The following CDK14 variants were observed in gnomAD, a reference collection of about 807,000 sequenced individuals.
The protein encoded by CDK14 is cyclin-dependent kinase 14.
Under a neutral mutation model 60.7 loss-of-function variants are expected in CDK14, and 34 were observed. The ratio of observed to expected loss-of-function variants is 0.56; its 90% CI spans 0.43 to 0.75. The LOEUF (loss-of-function observed/expected upper bound fraction) is 0.75, where lower values mean the gene tolerates loss of function less well. Among genes scored for constraint, CDK14 ranks in the 30% least tolerant of loss-of-function variants. The probability of loss-of-function intolerance (pLI) is 0.00; values close to 1 mark genes in which losing one functional copy is unlikely to be tolerated. For synonymous variants in CDK14, 197 were observed against 203.7 expected (o/e 0.97, Z 0.28); for missense variants, 482 against 564.1 (o/e 0.85, Z 1.47).
intron 2 of CDK14, among the ~76,000 whole-genome samples, chr7:90,610,959 A>T (rs1227142311): frequency 2.0e-5 from 3 of 151,466 alleles, no homozygotes; most frequent in Non-Finnish European, 4.4e-5. Context: ...TTAGGTGTCC[A>T]CTCCCTGTCA....
chr7:90,624,393 A>G (rs775925311), intron 2 of CDK14, among the ~76,000 whole-genome samples: 2 of 152,222 alleles, frequency 1.3e-5, no homozygotes, highest in Admixed American at 1.3e-4. Context: ...CTAATTTTCT[A>G]TTCAGACAAA....
chr7:91,089,625 C>G (rs762199134), intron 12 of CDK14, among the ~76,000 whole-genome samples: 3 of 150,898 alleles, frequency 2.0e-5, no homozygotes, highest in Non-Finnish European at 4.4e-5. Flanking sequence ...AGATACGCAG[C>G]TATATATATA....
chr7:91,034,199 G>A (rs577358733), intron 10 of CDK14, among the ~76,000 whole-genome samples: 1 of 152,100 alleles, frequency 6.6e-6, no homozygotes, highest in Non-Finnish European at 1.5e-5. Flanking sequence ...AAGTGCTGCA[G>A]CCTCTGAGAG....
intron 2 of CDK14, among the ~76,000 whole-genome samples, chr7:90,622,448 C>T (rs140516473): frequency 1.7e-4 from 26 of 152,300 alleles, no homozygotes; most frequent in African/African-American, 4.6e-4. Context: ...CAATCTAACG[C>T]GGTGATCTTT....
At chr7:90,806,262 A>G (rs567733337) in intron 5 of CDK14, among the ~76,000 whole-genome samples, 2 of 152,326 alleles carry the variant, frequency 1.3e-5, no homozygotes, top group South Asian at 2.1e-4. Context: ...AACGTAATAT[A>G]TAAATGAAAA....
intron 4 of CDK14, among the ~76,000 whole-genome samples, chr7:90,767,830 T>C (rs938831476): frequency 3.9e-5 from 6 of 152,184 alleles, no homozygotes; most frequent in African/African-American, 1.4e-4. Context: ...CTGAGCCCTC[T>C]TGAGCCTCCA....
chr7:90,970,314 A>G (rs1794885991), intron 9 of CDK14, among the ~76,000 whole-genome samples: 1 of 152,206 alleles, frequency 6.6e-6, no homozygotes, highest in South Asian at 2.1e-4. Flanking sequence ...TTTTCAGTGC[A>G]TTAGCAATGA....
intron 6 of CDK14, among the ~76,000 whole-genome samples, chr7:90,877,226 T>G (rs1417312820): frequency 6.6e-6 from 1 of 152,228 alleles, no homozygotes; most frequent in Non-Finnish European, 1.5e-5. Context: ...TATATACACT[T>G]CATTTTTCAG....
chr7:91,142,018 G>T (rs533299796), intron 14 of CDK14, among the ~76,000 whole-genome samples: 41 of 151,978 alleles, frequency 2.7e-4, no homozygotes, highest in Non-Finnish European at 5.4e-4. Flanking sequence ...GTAGAGACGG[G>T]GTTTCACCAT....
chr7:90,997,782 A>G (rs1017365906), intron 10 of CDK14, among the ~76,000 whole-genome samples: 2 of 152,178 alleles, frequency 1.3e-5, no homozygotes, highest in Non-Finnish European at 2.9e-5. Flanking sequence ...GAATAGTGAT[A>G]TATGCACATT....
chr7:90,779,238 G>A (rs6963023), intron 4 of CDK14, among the ~76,000 whole-genome samples: 66,023 of 151,790 alleles, frequency 0.43, 15,150 homozygotes, highest in East Asian at 0.82. Flanking sequence ...GGGCAACAGG[G>A]TGAGACTCCG....
chr7:90,749,546 T>A lies in CDK14; in HGVS notation c.464+1771T>A, dbSNP rs534764231. ...GGCCTCTGCTCCACACCCAGGCAGA[T>A]CTCCAGGCATTTGGAGCACCAGTTC... On this transcript the variant is annotated intron_variant, in intron 4 of 14. Transcript: ENST00000380050. Among the ~76,000 whole-genome samples the A allele has an allele frequency of 5.3e-5, 8 of 152,322 alleles. No individual in the cohort carries two copies. In the South Asian group the frequency reaches 1.2e-3, roughly 24 times the overall value.
At chr7:90,925,466 G>A (rs1160505561) in intron 8 of CDK14, among the ~76,000 whole-genome samples, 1 of 152,186 alleles carries the variant, frequency 6.6e-6, no homozygotes, top group Non-Finnish European at 1.5e-5. Context: ...AAGATCAAAT[G>A]TTTAGTATGG....
intron 14 of CDK14, among the ~76,000 whole-genome samples, chr7:91,119,047 A>ATG (rs1329794398): frequency 2.0e-5 from 3 of 150,520 alleles, no homozygotes; most frequent in Non-Finnish European, 4.4e-5. Context: ...ATATATATAT[A>ATG]CATACATACA....
At chr7:90,906,646 T>C (rs1792716823) in intron 7 of CDK14, among the ~76,000 whole-genome samples, 1 of 152,062 alleles carries the variant, frequency 6.6e-6, no homozygotes. Flanking sequence ...TATATAATTG[T>C]GTATTGTAAA....
intron 12 of CDK14, among the ~76,000 whole-genome samples, chr7:91,096,664 G>A (rs750832245): frequency 2.0e-5 from 3 of 151,840 alleles, no homozygotes; most frequent in Admixed American, 6.6e-5. Context: ...CCCTAAATTT[G>A]AAGTCTTGTT....
intron 9 of CDK14, among the ~76,000 whole-genome samples, chr7:90,959,679 G>A (rs933559050): frequency 6.6e-6 from 1 of 151,948 alleles, no homozygotes; most frequent in African/African-American, 2.4e-5. Flanking sequence ...ATAGCCACAG[G>A]AAATAAAAAA....
chr7:90,812,660 C>A (rs1217867243), intron 5 of CDK14, among the ~76,000 whole-genome samples: 2 of 151,940 alleles, frequency 1.3e-5, no homozygotes, highest in African/African-American at 4.8e-5. Context: ...TAAGACCATG[C>A]AATGGTTTTC....
At chr7:90,824,719 G>A (rs1789664228) in intron 5 of CDK14, 1 of 152,068 alleles carries the variant, frequency 6.6e-6, no homozygotes, top group South Asian at 2.1e-4. Context: ...TGATCTATGG[G>A]GCTATTGTAA....
Sources: gnomAD v4.1 joint callset for allele counts (sites outside exome capture counted in the v4.1 genomes callset) on GRCh38, gnomAD v4.1.1 for gene constraint, MANE v1.5 for transcripts, NCBI Gene and HGNC (gene_info 2026-07-23, HGNC 2026-07-21) for gene names.